RANBP2: variants seen among roughly 807,000 people sequenced by gnomAD.
RANBP2 encodes the protein E3 SUMO-protein ligase RanBP2.
RANBP2 carries 57 observed loss-of-function variants against 303.6 expected under a neutral mutation model. That is an observed-to-expected ratio of 0.19 (90% CI 0.15 to 0.23). RANBP2 has a LOEUF of 0.23. RANBP2 is among the 10% of genes least tolerant of loss of function. RANBP2 has a pLI of 1.00. For synonymous variants in RANBP2, 1,167 were observed against 1,301.5 expected, an observed-to-expected ratio of 0.90 and a Z score of 2.23; for missense variants, 3,138 against 3,780.8, an observed-to-expected ratio of 0.83 and a Z score of 4.46.
At chr2:109,129,456 G>C in the RANBP2 span, 2 of 1,495,256 alleles carry the variant, frequency 1.3e-6, no homozygotes, top group South Asian at 1.2e-5. Flanking sequence ...CGGCTCCCCA[G>C]TCCTGATGCT....
chr2:108,762,901 A>T (rs539681139), intron 19 of RANBP2, among the ~76,000 whole-genome samples: 2 of 152,164 alleles, frequency 1.3e-5, no homozygotes, highest in African/African-American at 4.8e-5. Flanking sequence ...TTAAGATGCT[A>T]TACATAATTT....
chr2:109,058,011 A>C, the RANBP2 span, among the ~76,000 whole-genome samples: 1 of 152,202 alleles, frequency 6.6e-6, no homozygotes, highest in East Asian at 1.9e-4. Context: ...AGCAGAATCT[A>C]TCCTGCCCAC....
the RANBP2 span, among the ~76,000 whole-genome samples, chr2:108,925,496 C>G: frequency 6.6e-6 from 1 of 152,240 alleles, no homozygotes; most frequent in African/African-American, 2.4e-5. Context: ...GTGTCTTTGA[C>G]TTGTCCTGGG....
At chr2:108,884,313 C>G in the RANBP2 span, 2 of 152,200 alleles carry the variant, frequency 1.3e-5, no homozygotes, top group South Asian at 2.1e-4. Context: ...TCAAAGAAAA[C>G]AGGTAGAGAG....
At chr2:109,546,949 T>C in the RANBP2 span, among the ~76,000 whole-genome samples, 3 of 152,232 alleles carry the variant, frequency 2.0e-5, no homozygotes, top group Admixed American at 1.3e-4. Context: ...TGCAGGACTG[T>C]TGAGCTGAGG....
the RANBP2 span, among the ~76,000 whole-genome samples, chr2:108,851,813 A>T: frequency 6.6e-6 from 1 of 152,154 alleles, no homozygotes; most frequent in African/African-American, 2.4e-5. Flanking sequence ...AACAAAGACT[A>T]ATGAGACGAA....
At chr2:108,830,018 G>A in the RANBP2 span, among the ~76,000 whole-genome samples, 5 of 152,104 alleles carry the variant, frequency 3.3e-5, no homozygotes, top group African/African-American at 7.2e-5. Flanking sequence ...TGGACACAAG[G>A]TAAATGCTCA....
the RANBP2 span, chr2:109,545,857 A>G: frequency 6.9e-7 from 1 of 1,444,850 alleles, no homozygotes; most frequent in Non-Finnish European, 9.1e-7. Context: ...AACATGTGCC[A>G]GGTGCTGTTC....
At chr2:108,811,068 ATC>A in the RANBP2 span, among the ~76,000 whole-genome samples, 1 of 147,334 alleles carries the variant, frequency 6.8e-6, no homozygotes, top group East Asian at 2.0e-4. Context: ...TTCCGATTTT[ATC>A]TGTTTGGGTC....
chr2:109,330,028 C>T, the RANBP2 span, among the ~76,000 whole-genome samples: 1 of 152,270 alleles, frequency 6.6e-6, no homozygotes, highest in South Asian at 2.1e-4. Context: ...CATCCCTGGC[C>T]CTTACAAAAC....
At chr2:109,108,480 T>C in the RANBP2 span, among the ~76,000 whole-genome samples, 2 of 152,186 alleles carry the variant, frequency 1.3e-5, no homozygotes, top group African/African-American at 4.8e-5. Context: ...CCATGAATGA[T>C]ACGGAGGAAG....
chr2:108,994,518 G>A, the RANBP2 span, among the ~76,000 whole-genome samples: 334 of 152,166 alleles, frequency 2.2e-3, no homozygotes, highest in African/African-American at 7.7e-3. Flanking sequence ...TCTAATAAAG[G>A]AAACCACAAG....
At chr2:109,226,441 T>C in the RANBP2 span, among the ~76,000 whole-genome samples, 33 of 152,208 alleles carry the variant, frequency 2.2e-4, 1 homozygote, top group African/African-American at 7.2e-4. Flanking sequence ...ACGTGGCCCA[T>C]GTGCAGTCCT....
the RANBP2 span, among the ~76,000 whole-genome samples, chr2:109,094,556 G>A: frequency 6.6e-5 from 10 of 152,288 alleles, no homozygotes; most frequent in South Asian, 8.3e-4. Flanking sequence ...TGGGCCAGGC[G>A]CAGTGGCTCA....
chr2:109,441,232 T>TTA, the RANBP2 span, among the ~76,000 whole-genome samples: 2 of 151,938 alleles, frequency 1.3e-5, no homozygotes, highest in East Asian at 3.9e-4. Context: ...AAAATATGAC[T>TTA]TATAATGAAG....
At chr2:109,421,648 C>T in the RANBP2 span, among the ~76,000 whole-genome samples, 433 of 152,346 alleles carry the variant, frequency 2.8e-3, no homozygotes, top group African/African-American at 8.3e-3. Flanking sequence ...CCTTCTCCCT[C>T]TGGGCTTCTC....
intron 24 of RANBP2, 68 bp downstream of exon 24, chr2:108,776,004 T>A: frequency 1.4e-6 from 2 of 1,389,698 alleles, no homozygotes; most frequent in Non-Finnish European, 2.0e-6. Flanking sequence ...GATAGACTTT[T>A]AAAGGCTGAT....
the RANBP2 span, among the ~76,000 whole-genome samples, chr2:108,802,123 G>T: frequency 1.4e-5 from 2 of 144,978 alleles, no homozygotes; most frequent in African/African-American, 5.1e-5. Flanking sequence ...CTCTTTTTTG[G>T]TTCCATATGA....
the RANBP2 span, among the ~76,000 whole-genome samples, chr2:108,973,278 G>A: frequency 2.6e-5 from 4 of 152,166 alleles, no homozygotes; most frequent in Non-Finnish European, 4.4e-5. Context: ...ATGAGCCACC[G>A]CACCTGGCCT....
Sources: gnomAD v4.1 joint callset for allele counts (sites outside exome capture counted in the v4.1 genomes callset) on GRCh38, gnomAD v4.1.1 for gene constraint, MANE v1.5 for transcripts, NCBI Gene and HGNC (gene_info 2026-07-23, HGNC 2026-07-21) for gene names.